The following GOLGA1 variants were observed in gnomAD, a reference collection of about 807,000 sequenced individuals.
The protein encoded by GOLGA1 is golgin A1.
A neutral mutation model predicts 119.7 loss-of-function variants in GOLGA1; 63 were observed. That is an observed-to-expected ratio of 0.53 (90% CI 0.43 to 0.65). GOLGA1 has a LOEUF of 0.65. GOLGA1 is among the 30% of genes least tolerant of loss of function. The pLI is 0.00. For synonymous variants in GOLGA1, 318 were observed against 333.4 expected (o/e 0.95, Z 0.50); for missense variants, 798 against 912.8 (o/e 0.87, Z 1.62).
intron 14 of GOLGA1, 93 bp downstream of exon 14, chr9:124,899,236 C>A: frequency 8.4e-7 from 1 of 1,196,444 alleles, no homozygotes; most frequent in East Asian, 2.6e-5. Context: ...TTTCCTAGTG[C>A]AGAGGTGGTG....
At chr9:124,942,093 A>G (rs1358587034), upstream of GOLGA1, among the ~76,000 whole-genome samples, 1 of 152,214 alleles carries the variant, frequency 6.6e-6, no homozygotes, top group East Asian at 1.9e-4. Flanking sequence ...TAACATAGCG[A>G]AACCTCGTCT....
At chr9:124,925,543 T>A (rs1252976856) in intron 7 of GOLGA1, among the ~76,000 whole-genome samples, 2 of 151,998 alleles carry the variant, frequency 1.3e-5, no homozygotes, top group Non-Finnish European at 2.9e-5. Context: ...CAGTGAGACC[T>A]CATCTCTATT....
intron 2 of GOLGA1, among the ~76,000 whole-genome samples, chr9:124,939,866 A>G (rs1830966207): frequency 6.6e-6 from 1 of 152,104 alleles, no homozygotes; most frequent in Admixed American, 6.6e-5. Context: ...CCGGCCTCAC[A>G]GTTTCTTTTC....
chr9:124,935,617 G>A (rs1298980043), intron 3 of GOLGA1, among the ~76,000 whole-genome samples: 1 of 152,002 alleles, frequency 6.6e-6, no homozygotes, highest in African/African-American at 2.4e-5. Context: ...GGCACACGGT[G>A]AAACCTCATC....
At chr9:124,934,372 C>T (rs1341218644) in intron 3 of GOLGA1, among the ~76,000 whole-genome samples, 1 of 152,062 alleles carries the variant, frequency 6.6e-6, no homozygotes, top group African/African-American at 2.4e-5. Context: ...AGGGGGCTGC[C>T]AGAGGAGAAG....
intron 19 of GOLGA1, among the ~76,000 whole-genome samples, chr9:124,887,153 A>G (rs1434624980): frequency 6.6e-6 from 1 of 152,238 alleles, no homozygotes; most frequent in Non-Finnish European, 1.5e-5. Flanking sequence ...GACGCTGAAC[A>G]AGGAGGCAGG....
At position 124,899,240 on chromosome 9, in the gene GOLGA1, G is replaced by A. The variant is rs769783311; in HGVS notation, c.1311+89C>T. On this transcript the variant is annotated intron_variant, in intron 14 of 22. Coordinates refer to ENST00000373555, the MANE Select transcript of GOLGA1 (RefSeq NM_002077.4). ...TTCTAAAGTGGTTTCCTAGTGCAGA[G>A]GTGGTGACACACTGTCAAGCACGAG... 2.9e-5 allele frequency: 36 copies of A among 1,227,842 alleles called. 1 individual carries two copies. In the Admixed American group the frequency reaches 9.4e-4, roughly 32 times the overall value. The allele number at this position is 1,227,842 out of a possible 1,614,324, so 76.1% of individuals were successfully genotyped here.
chr9:124,908,626 T>G (rs1471516780), intron 11 of GOLGA1, among the ~76,000 whole-genome samples, 154 bp from the exon 12 acceptor site: 1 of 152,246 alleles, frequency 6.6e-6, no homozygotes. Context: ...TCACATATCA[T>G]AAAGTACACA....
intron 3 of GOLGA1, among the ~76,000 whole-genome samples, chr9:124,935,380 C>T (rs1830844320): frequency 1.3e-5 from 2 of 152,060 alleles, no homozygotes; most frequent in Admixed American, 1.3e-4. Context: ...TGTAAATTTT[C>T]CACTTGTGGC....
At chr9:124,919,721 G>T (rs1344533650) in intron 10 of GOLGA1, among the ~76,000 whole-genome samples, 5 of 152,138 alleles carry the variant, frequency 3.3e-5, no homozygotes, top group African/African-American at 1.2e-4. Context: ...AAAGATGAGG[G>T]TAGGGTGGAT....
At chr9:124,935,482 T>C (rs1050894888) in intron 3 of GOLGA1, among the ~76,000 whole-genome samples, 17 of 152,164 alleles carry the variant, frequency 1.1e-4, no homozygotes, top group African/African-American at 4.1e-4. Context: ...GTAAATGTAC[T>C]ACTAGAAGAT....
chr9:124,886,734 G>A (rs903456353), intron 19 of GOLGA1, among the ~76,000 whole-genome samples: 3 of 152,110 alleles, frequency 2.0e-5, no homozygotes, highest in African/African-American at 7.2e-5. Context: ...TGCTTGGGGA[G>A]GTGGGGGAAC....
chr9:124,920,702 G>A (rs1400449339), intron 10 of GOLGA1, among the ~76,000 whole-genome samples: 4 of 151,992 alleles, frequency 2.6e-5, no homozygotes, highest in African/African-American at 9.7e-5. Context: ...TTGGGAGGCC[G>A]AGGTTGGTGG....
chr9:124,940,521 G>A (rs1336884014), intron 1 of GOLGA1, among the ~76,000 whole-genome samples: 2 of 152,168 alleles, frequency 1.3e-5, no homozygotes, highest in African/African-American at 4.8e-5. Context: ...TACCCGGCCA[G>A]ACCCTGGGCG....
At chr9:124,913,944 A>G (rs1830388219) in intron 10 of GOLGA1, among the ~76,000 whole-genome samples, 2 of 152,210 alleles carry the variant, frequency 1.3e-5, no homozygotes, top group Non-Finnish European at 2.9e-5. Context: ...AAGTCCTGCA[A>G]GGCTAGAGGC....
At chr9:124,941,180 T>TA (rs907870395), upstream of GOLGA1, 4 of 152,268 alleles carry the variant, frequency 2.6e-5, no homozygotes, top group Admixed American at 2.6e-4. Context: ...CGGCTACTGT[T>TA]ACCACCTCTG....
intron 10 of GOLGA1, among the ~76,000 whole-genome samples, chr9:124,913,014 C>T (rs909490908): frequency 2.0e-5 from 3 of 152,194 alleles, no homozygotes; most frequent in African/African-American, 7.2e-5. Flanking sequence ...AATTGACTCA[C>T]AGTTCCACAT....
chr9:124,902,488 G>A (rs974357326), intron 12 of GOLGA1, among the ~76,000 whole-genome samples: 2 of 149,368 alleles, frequency 1.3e-5, no homozygotes, highest in Non-Finnish European at 3.0e-5. Flanking sequence ...CACACAAGGA[G>A]AGGATTTTTT....
intron 2 of GOLGA1, among the ~76,000 whole-genome samples, chr9:124,939,441 C>T (rs756338048): frequency 6.6e-6 from 1 of 151,840 alleles, no homozygotes; most frequent in African/African-American, 2.4e-5. Flanking sequence ...AGAAGACACA[C>T]CAGACAACTC....
Sources: allele counts gnomAD v4.1 joint callset (sites outside exome capture counted in the v4.1 genomes callset), GRCh38; gene constraint gnomAD v4.1.1; transcripts MANE v1.5; gene names NCBI Gene and HGNC (gene_info 2026-07-23, HGNC 2026-07-21).